TMEM131: variants seen among roughly 807,000 people sequenced by gnomAD.
The protein encoded by TMEM131 is 2610524E03Rik.
A neutral mutation model predicts 211.6 loss-of-function variants in TMEM131; 66 were observed. The ratio of observed to expected loss-of-function variants is 0.31; its 90% CI spans 0.26 to 0.38. The LOEUF is 0.38. Ranked by LOEUF, TMEM131 falls within the 10% of genes least tolerant of loss-of-function variation. The pLI is 1.00. For synonymous variants in TMEM131, 844 were observed against 841.3 expected (o/e 1.00, Z -0.06); for missense variants, 2,036 against 2,299.3 (o/e 0.89, Z 2.34).
Position 97,927,467 on chromosome 2 carries a change from T to C in TMEM131, c.208A>G (p.Ile70Val). The change falls in exon 2 of 41, where the codon ATA becomes GTA. Residue 70 changes from isoleucine to valine, a missense_variant. Ile to Val is a conservative substitution (Grantham distance 29). Around this residue, in one of 3 missense-constraint regions of TMEM131, gnomAD observed 136 missense variants for 115.4 expected, o/e 1.18. Coordinates refer to ENST00000186436, the MANE Select transcript of TMEM131 (RefSeq NM_015348.2). ...EKEAFVQSES[I>V]IEVLRFDDGG... ...TCATCAAAACGCAGTACTTCTATTA[T>C]GCTCTCTGACTGAACGAATGCTGTG... is the stretch of plus-strand genomic sequence containing the variant. 1.3e-6 allele frequency: 2 copies of C among 1,590,642 alleles called. No individual in the cohort carries two copies. The highest frequency in any genetic ancestry group is 1.7e-6 in the Non-Finnish European group (2 of 1,169,300).
chr2:97,949,396 TAGAG>T lies in TMEM131; in HGVS notation c.188-21913_188-21910del, dbSNP rs141546703. 5.6e-3 allele frequency among the ~76,000 whole-genome samples: 848 copies of T among 152,188 alleles called. 24 individuals are homozygous for T. In the East Asian group the frequency reaches 0.083, roughly 15 times the overall value. On this transcript the variant is annotated intron_variant, in intron 1 of 40. Coordinates refer to ENST00000186436, the MANE Select transcript of TMEM131 (RefSeq NM_015348.2). ...AATTCTACAAAGGGTCACAAGGAAA[TAGAG>T]AGTGCACACGTTCACACAATCTTCA... is the stretch of plus-strand genomic sequence containing the variant.
At chr2:97,762,701 C>A (rs1559342658) in intron 35 of TMEM131, 1 of 154,056 alleles carries the variant, frequency 6.5e-6, no homozygotes, top group East Asian at 1.9e-4. Context: ...AATGTCTATA[C>A]AGCTGTTTTA....
chr2:97,949,321 T>C (rs186849125), intron 1 of TMEM131, among the ~76,000 whole-genome samples: 132 of 152,166 alleles, frequency 8.7e-4, no homozygotes, highest in Admixed American at 3.5e-3. Context: ...CTAATCTAAG[T>C]GACAGAAAGC....
intron 32 of TMEM131, among the ~76,000 whole-genome samples, chr2:97,774,632 A>T (rs1679627280): frequency 6.6e-6 from 1 of 152,206 alleles, no homozygotes; most frequent in South Asian, 2.1e-4. Flanking sequence ...GGGTGAGCAC[A>T]GAACACTGGC....
At chr2:97,873,932 A>G (rs1198902918) in intron 4 of TMEM131, among the ~76,000 whole-genome samples, 1 of 152,240 alleles carries the variant, frequency 6.6e-6, no homozygotes, top group East Asian at 1.9e-4. Context: ...TCCAAGCTAA[A>G]GAAGTATGTT....
At chr2:97,900,825 T>G (rs564364641) in intron 3 of TMEM131, among the ~76,000 whole-genome samples, 1 of 152,306 alleles carries the variant, frequency 6.6e-6, no homozygotes, top group East Asian at 1.9e-4. Context: ...TAATTTACAT[T>G]CCCACCAACA....
chr2:97,937,259 C>T (rs1273161674), intron 1 of TMEM131, among the ~76,000 whole-genome samples: 11 of 151,986 alleles, frequency 7.2e-5, no homozygotes, highest in East Asian at 5.8e-4. Context: ...AAATTCTGGA[C>T]ATAAAAGTAC....
intron 31 of TMEM131, among the ~76,000 whole-genome samples, chr2:97,782,479 T>G (rs1028814125): frequency 6.6e-6 from 1 of 152,072 alleles, no homozygotes; most frequent in African/African-American, 2.4e-5. Flanking sequence ...AATCAGAAAT[T>G]TCTCAAATCA....
intron 28 of TMEM131, among the ~76,000 whole-genome samples, chr2:97,795,751 T>TA (rs1207771264): frequency 6.6e-6 from 1 of 152,188 alleles, no homozygotes. Flanking sequence ...AGTTATCAAT[T>TA]AATTGTTAAA....
chr2:97,881,536 T>C (rs1674930665), intron 4 of TMEM131, among the ~76,000 whole-genome samples: 1 of 151,628 alleles, frequency 6.6e-6, no homozygotes, highest in South Asian at 2.1e-4. Flanking sequence ...AAAAAAACAA[T>C]CCTTCCCCAG....
chr2:97,973,855 G>A (rs907665833), intron 1 of TMEM131, among the ~76,000 whole-genome samples: 2 of 152,146 alleles, frequency 1.3e-5, no homozygotes, highest in Non-Finnish European at 2.9e-5. Context: ...CATCTTAAAA[G>A]CAAGACATCC....
At chr2:97,796,460 C>T in intron 27 of TMEM131, 56 bp from the exon 28 acceptor site, 1 of 1,086,082 alleles carries the variant, frequency 9.2e-7, no homozygotes, top group South Asian at 1.5e-5. Flanking sequence ...TGCTCCCAGT[C>T]CAAATGATAA....
intron 5 of TMEM131, among the ~76,000 whole-genome samples, chr2:97,857,960 G>A (rs1298890416): frequency 6.6e-6 from 1 of 152,112 alleles, no homozygotes; most frequent in African/African-American, 2.4e-5. Flanking sequence ...TTAGAAAAGG[G>A]ATATTTCCAC....
chr2:97,928,088 A>G (rs777876878), intron 1 of TMEM131, among the ~76,000 whole-genome samples: 1 of 152,164 alleles, frequency 6.6e-6, no homozygotes, highest in Non-Finnish European at 1.5e-5. Context: ...CTGATTTGAA[A>G]CCTTACATAC....
intron 33 of TMEM131, among the ~76,000 whole-genome samples, chr2:97,766,982 C>T (rs1286042621): frequency 6.6e-6 from 1 of 152,206 alleles, no homozygotes; most frequent in Non-Finnish European, 1.5e-5. Context: ...TCTCTCCCAG[C>T]ATCTAGACCA....
chr2:97,828,444 G>A (rs1682503282), intron 11 of TMEM131, among the ~76,000 whole-genome samples: 3 of 152,008 alleles, frequency 2.0e-5, no homozygotes, highest in Admixed American at 2.0e-4. Context: ...CTCAGCACAG[G>A]GCCATACAAC....
rs1675022618 is a variant in TMEM131, at chr2:97,883,608, T to C, written c.359+4444A>G. ...GTTAATTAAAATCTTTAATATTCTG[T>C]ATATCCTTCCATTAGGACTCTCTCT... On this transcript the variant is annotated intron_variant, in intron 4 of 40. Coordinates refer to ENST00000186436, the MANE Select transcript of TMEM131 (RefSeq NM_015348.2). 2.6e-5 allele frequency among the ~76,000 whole-genome samples: 4 copies of C among 152,222 alleles called. No individual in the cohort carries two copies. In the South Asian group the frequency reaches 8.3e-4, roughly 32 times the overall value.
intron 19 of TMEM131, among the ~76,000 whole-genome samples, chr2:97,807,298 T>G (rs765803937): frequency 6.6e-6 from 1 of 152,158 alleles, no homozygotes; most frequent in Non-Finnish European, 1.5e-5. Context: ...TCCCCAGTGT[T>G]GGAGGTGGGG....
chr2:97,853,650 G>T (rs1018759549), intron 5 of TMEM131, among the ~76,000 whole-genome samples: 1 of 151,210 alleles, frequency 6.6e-6, no homozygotes, highest in Admixed American at 6.6e-5. Context: ...CATGGGAGAA[G>T]GTTAAAATGT....
Sources: allele counts gnomAD v4.1 joint callset (sites outside exome capture counted in the v4.1 genomes callset), GRCh38; gene constraint gnomAD v4.1.1; regional missense constraint gnomAD v4.1.1; transcripts MANE v1.5; gene names NCBI Gene and HGNC (gene_info 2026-07-23, HGNC 2026-07-21).